Variants in PIK3R4 observed in about 807,000 individuals in gnomAD.
PIK3R4 encodes phosphoinositide-3-kinase regulatory subunit 4.
Under a neutral mutation model 136.5 loss-of-function variants are expected in PIK3R4, and 46 were observed. The ratio of observed to expected loss-of-function variants is 0.34; its 90% CI spans 0.27 to 0.43. The LOEUF is 0.43. Ranked by LOEUF, PIK3R4 falls within the 20% of genes least tolerant of loss-of-function variation. PIK3R4 has a pLI of 1.00. For synonymous variants in PIK3R4, 557 were observed against 566.7 expected (o/e 0.98, Z 0.24); for missense variants, 1,331 against 1,649.5 (o/e 0.81, Z 3.35).
intron 7 of PIK3R4, among the ~76,000 whole-genome samples, chr3:130,719,995 G>C (rs2066689819): frequency 6.6e-6 from 1 of 152,244 alleles, no homozygotes; most frequent in South Asian, 2.1e-4. Flanking sequence ...TGGAGATGCA[G>C]AACCTGAAGC....
At chr3:130,696,951 G>C (rs572149289) in intron 13 of PIK3R4, among the ~76,000 whole-genome samples, 2 of 149,532 alleles carry the variant, frequency 1.3e-5, no homozygotes, top group African/African-American at 4.9e-5. Flanking sequence ...GTTTGTAATT[G>C]TTATGTCTTC....
chr3:130,696,651 GT>G (rs2066547682), intron 13 of PIK3R4, among the ~76,000 whole-genome samples: 1 of 152,086 alleles, frequency 6.6e-6, no homozygotes, highest in Non-Finnish European at 1.5e-5. Context: ...ATTGAGGTTT[GT>G]TTTGTGACCT....
In PIK3R4 at chr3:130,687,148, T is replaced by C. The variant is rs543302906; in HGVS notation, c.3264-726A>G. ...TGGGAATGGGACACAAGTCTAAACA[T>C]GAAATTCATTTGTTTCATATATACC... On this transcript the variant is annotated intron_variant, in intron 14 of 19. Coordinates refer to ENST00000356763, the MANE Select transcript of PIK3R4 (RefSeq NM_014602.3). Among the ~76,000 whole-genome samples, 6 of 151,532 alleles carry C rather than the reference T, an allele frequency of 4.0e-5. No individual in the cohort carries two copies. The South Asian group carries it at 1.0e-3, about 26-fold the overall frequency.
At position 130,733,931 on chromosome 3, in the gene PIK3R4, T is replaced by C. The variant is rs981099827; in HGVS notation, c.1067A>G (p.Asn356Ser). 2.5e-6 allele frequency: 4 copies of C among 1,614,026 alleles called. No homozygotes were observed. The African/African-American group carries it at 4.0e-5, about 16-fold the overall frequency. Residue 356 changes from asparagine to serine, a missense_variant, in exon 4 of 20, where the codon AAT (asparagine) becomes AGT (serine). Transcript: ENST00000356763. ...IRKDLGNIIH[N>S]LCGHDLPEKA... ...TTCTGGCAGATCATGTCCACAGAGA[T>C]TGTGAATAATGTTGCCCAAATCCTT...
At chr3:130,691,867 GTTTTTTTTTT>G (rs757678674) in intron 13 of PIK3R4, among the ~76,000 whole-genome samples, 1 of 100,830 alleles carries the variant, frequency 9.9e-6, no homozygotes, top group South Asian at 3.1e-4. Flanking sequence ...TCTCTCTCTA[GTTTTTTTTTT>G]TTTTTTTTTT....
chr3:130,709,138 A>G (rs2066621424), intron 9 of PIK3R4, among the ~76,000 whole-genome samples: 1 of 152,164 alleles, frequency 6.6e-6, no homozygotes, highest in South Asian at 2.1e-4. Context: ...AGCTATAAAG[A>G]TAATTACTGG....
At chr3:130,727,314 G>T (rs1273892750) in intron 6 of PIK3R4, among the ~76,000 whole-genome samples, 1 of 150,182 alleles carries the variant, frequency 6.7e-6, no homozygotes, top group South Asian at 2.1e-4. Flanking sequence ...TCCGCCTCCT[G>T]GGTTCACGCC....
chr3:130,719,355 T>C (rs2066685732), intron 7 of PIK3R4, among the ~76,000 whole-genome samples: 1 of 152,158 alleles, frequency 6.6e-6, no homozygotes. Flanking sequence ...GATATTTCTT[T>C]ATCTTCTAAT....
rs1284147605 is a variant in PIK3R4, at chr3:130,733,809, C to A, written c.1189G>T (p.Ala397Ser). The A allele has an allele frequency of 1.9e-6, 3 of 1,614,150 alleles. No homozygotes were observed. In the South Asian group the frequency reaches 3.3e-5, roughly 18 times the overall value. ...QTLKYCDSKL[A>S]ALELILHLAP... ...AAATGAAGAATCAGTTCCAAAGCAG[C>A]TAGTTTGGAATCACAGTATTTAAGG... The change falls in exon 4 of 20, where the codon GCT becomes TCT. Residue 397 changes from alanine (A) to serine (S), a missense_variant. Physicochemically the swap from Ala to Ser is moderately conservative, Grantham distance 99. Transcript: ENST00000356763.
At chr3:130,728,390 T>A in intron 6 of PIK3R4, 73 bp downstream of exon 6, 1 of 855,472 alleles carries the variant, frequency 1.2e-6, no homozygotes, top group Non-Finnish European at 1.8e-6. Flanking sequence ...GTATCATCTA[T>A]CCTTCAGATT....
intron 14 of PIK3R4, among the ~76,000 whole-genome samples, chr3:130,689,214 A>G (rs1168126899): frequency 1.3e-5 from 2 of 152,222 alleles, no homozygotes; most frequent in Non-Finnish European, 2.9e-5. Context: ...TTAGGTAGTT[A>G]TCTAGTGTTT....
At chr3:130,700,940 C>A (rs2066570720) in intron 13 of PIK3R4, among the ~76,000 whole-genome samples, 1 of 152,150 alleles carries the variant, frequency 6.6e-6, no homozygotes, top group African/African-American at 2.4e-5. Flanking sequence ...CAGAGGAGAT[C>A]CAGTCTCCTA....
chr3:130,710,793 A>C (rs1037657494), intron 9 of PIK3R4, among the ~76,000 whole-genome samples: 3 of 152,162 alleles, frequency 2.0e-5, no homozygotes, highest in Non-Finnish European at 4.4e-5. Flanking sequence ...TGCCAATTGT[A>C]ATAGCACTCA....
intron 2 of PIK3R4, among the ~76,000 whole-genome samples, chr3:130,742,987 T>G (rs1379937652): frequency 6.6e-6 from 1 of 152,202 alleles, no homozygotes; most frequent in Admixed American, 6.5e-5. Flanking sequence ...TTCATTAAAT[T>G]TTTTAAGGGT....
intron 7 of PIK3R4, among the ~76,000 whole-genome samples, chr3:130,721,173 A>T (rs1019738369): frequency 8.4e-5 from 12 of 143,152 alleles, no homozygotes; most frequent in African/African-American, 3.0e-4. Context: ...GTCTCTACTA[A>T]AAATACAAAA....
Position 130,678,947 on chromosome 3 carries a change from C to T in PIK3R4, c.*368G>A, listed in dbSNP as rs1404669826. 6.5e-6 allele frequency: 1 copy of T among 154,028 alleles called. No individual in the cohort carries two copies. Among genetic ancestry groups the T allele is most frequent in the East Asian group, 1.9e-4 (1 of 5,234 alleles). The allele number at this position is 154,028 out of a possible 1,614,324, so 9.5% of individuals were successfully genotyped here. On this transcript the variant is annotated 3_prime_UTR_variant, in exon 20 of 20. Coordinates refer to ENST00000356763, the MANE Select transcript of PIK3R4 (RefSeq NM_014602.3). ...AGGATGCATGAATACAGTTTAACTG[C>T]TTTGAATAGCATTTTTAATAGCAAA...
intron 9 of PIK3R4, among the ~76,000 whole-genome samples, chr3:130,713,330 C>A (rs986355737): frequency 6.6e-6 from 1 of 152,174 alleles, no homozygotes; most frequent in Non-Finnish European, 1.5e-5. Flanking sequence ...ATTTGTTCCT[C>A]TTTTTCCACT....
chr3:130,737,169 C>G (rs758758472), intron 2 of PIK3R4, among the ~76,000 whole-genome samples: 2 of 152,178 alleles, frequency 1.3e-5, no homozygotes, highest in Non-Finnish European at 2.9e-5. Context: ...GCTCAAATGT[C>G]ACTCAGCAGT....
intron 13 of PIK3R4, among the ~76,000 whole-genome samples, chr3:130,702,432 G>C (rs1254529447): frequency 1.5e-4 from 23 of 152,034 alleles, no homozygotes; most frequent in African/African-American, 5.3e-4. Context: ...AATTAAGAAT[G>C]GTGTAAAAAT....
Sources: gnomAD v4.1 joint callset for allele counts (sites outside exome capture counted in the v4.1 genomes callset) on GRCh38, gnomAD v4.1.1 for gene constraint, MANE v1.5 for transcripts, NCBI Gene and HGNC (gene_info 2026-07-23, HGNC 2026-07-21) for gene names.